Variants in CLMN observed in about 807,000 individuals in gnomAD.
The protein encoded by CLMN is calmin.
A neutral mutation model predicts 92.7 loss-of-function variants in CLMN; 57 were observed. The ratio of observed to expected loss-of-function variants is 0.61; its 90% CI spans 0.50 to 0.77. The LOEUF (loss-of-function observed/expected upper bound fraction) is 0.77, where lower values mean the gene tolerates loss of function less well. CLMN is among the 30% of genes least tolerant of loss of function. The pLI is 0.00. For missense variants in CLMN, 1,158 were observed against 1,237.5 expected, an observed-to-expected ratio of 0.94 and a Z score of 0.96; for synonymous variants, 466 against 470.6, an observed-to-expected ratio of 0.99 and a Z score of 0.13.
intron 1 of CLMN, among the ~76,000 whole-genome samples, chr14:95,240,769 A>G (rs747853544): frequency 6.6e-6 from 1 of 152,146 alleles, no homozygotes; most frequent in Non-Finnish European, 1.5e-5. Context: ...GTGAGTGGCC[A>G]TGTTTCCTAT....
intron 1 of CLMN, among the ~76,000 whole-genome samples, chr14:95,242,244 C>CTTTTTTTTTT (rs1595614526): frequency 1.0e-5 from 1 of 98,880 alleles, no homozygotes; most frequent in African/African-American, 4.0e-5. Flanking sequence ...TTTCTTTTTT[C>CTTTTTTTTTT]TTTTTCTTTT....
intron 1 of CLMN, among the ~76,000 whole-genome samples, chr14:95,297,259 G>A (rs1025408535): frequency 6.6e-6 from 1 of 152,130 alleles, no homozygotes; most frequent in South Asian, 2.1e-4. Flanking sequence ...AACCAAAATG[G>A]CCACTTTTGT....
At chr14:95,279,682 A>G (rs1262355136) in intron 1 of CLMN, among the ~76,000 whole-genome samples, 1 of 152,164 alleles carries the variant, frequency 6.6e-6, no homozygotes, top group Non-Finnish European at 1.5e-5. Context: ...CCTCGGGAGG[A>G]TGAGGCAGGA....
At chr14:95,198,514 G>C (rs531641149) in intron 9 of CLMN, among the ~76,000 whole-genome samples, 1 of 152,068 alleles carries the variant, frequency 6.6e-6, no homozygotes, top group East Asian at 1.9e-4. Context: ...GGCTGCACTT[G>C]GGAGCAAATT....
At chr14:95,305,570 C>A (rs1450243510) in intron 1 of CLMN, among the ~76,000 whole-genome samples, 1 of 152,064 alleles carries the variant, frequency 6.6e-6, no homozygotes, top group Non-Finnish European at 1.5e-5. Flanking sequence ...GAGGATCAGC[C>A]CATGAGGAAT....
intron 1 of CLMN, among the ~76,000 whole-genome samples, chr14:95,243,361 A>G (rs1898331943): frequency 6.6e-6 from 1 of 152,210 alleles, no homozygotes; most frequent in African/African-American, 2.4e-5. Context: ...TGTGGGAACT[A>G]GAAAAGGCAG....
At chr14:95,208,327 T>G (rs1008760220) in intron 8 of CLMN, among the ~76,000 whole-genome samples, 3 of 152,192 alleles carry the variant, frequency 2.0e-5, no homozygotes, top group African/African-American at 4.8e-5. Flanking sequence ...CTGTCATTGC[T>G]GTCATTATTA....
At chr14:95,249,758 A>T (rs535968003) in intron 1 of CLMN, among the ~76,000 whole-genome samples, 2 of 151,872 alleles carry the variant, frequency 1.3e-5, no homozygotes, top group South Asian at 4.2e-4. Context: ...CACCCAGCTA[A>T]TTTTTTTTGT....
intron 3 of CLMN, 64 bp downstream of exon 3, chr14:95,223,696 G>C: frequency 7.6e-7 from 1 of 1,314,116 alleles, no homozygotes; most frequent in Non-Finnish European, 1.1e-6. Flanking sequence ...GTGTTGAAAA[G>C]AAAACCTCAG....
At chr14:95,245,209 T>C (rs55634993) in intron 1 of CLMN, among the ~76,000 whole-genome samples, 830 of 19,616 alleles carry the variant, frequency 0.042, 89 homozygotes, top group Non-Finnish European at 0.047. Context: ...ATATATATAT[T>C]ATATATATAT....
intron 1 of CLMN, among the ~76,000 whole-genome samples, chr14:95,295,539 T>C (rs1157443743): frequency 1.3e-5 from 2 of 151,724 alleles, no homozygotes; most frequent in Non-Finnish European, 2.9e-5. Flanking sequence ...TGCCCGGGGG[T>C]GGTGTCAGGA....
rs2140549747 is a variant in CLMN at position 95,187,324 on chromosome 14, G to A, written c.*4240C>T. On this transcript the variant is annotated 3_prime_UTR_variant, in exon 13 of 13. Coordinates refer to ENST00000298912, the MANE Select transcript of CLMN (RefSeq NM_024734.4). ...TTATATTAATACAACCATGAACACA[G>A]AATACAGAAGAGAACAGTAAGCAAG... 1 of 152,358 alleles carries A rather than the reference G, an allele frequency of 6.6e-6. No homozygotes were observed. Among genetic ancestry groups the A allele is most frequent in the South Asian group, 2.1e-4 (1 of 4,828 alleles). 9.4% of individuals were successfully genotyped at this position (152,358 alleles called of 1,614,324 possible).
In CLMN at chr14:95,246,756, G is replaced by A. The variant is rs979785958; in HGVS notation, c.83-16623C>T. ...TGCAGGAACTACAGGCGTGAGCCAC[G>A]GCACCTGGCCACAAACTGTTTTTTA... On this transcript the variant is annotated intron_variant, in intron 1 of 12. Coordinates refer to ENST00000298912, the MANE Select transcript of CLMN (RefSeq NM_024734.4). Among the ~76,000 whole-genome samples the A allele has an allele frequency of 9.2e-5, 14 of 152,154 alleles. No individual in the cohort carries two copies. The South Asian group carries it at 1.7e-3, about 18-fold the overall frequency.
intron 1 of CLMN, among the ~76,000 whole-genome samples, chr14:95,272,434 C>A (rs954509140): frequency 6.6e-5 from 10 of 152,172 alleles, no homozygotes; most frequent in African/African-American, 2.4e-4. Flanking sequence ...ATGAAGTCAG[C>A]CATTCATCCA....
intron 4 of CLMN, among the ~76,000 whole-genome samples, chr14:95,220,272 G>C (rs1453286425): frequency 6.9e-6 from 1 of 145,536 alleles, no homozygotes; most frequent in East Asian, 2.0e-4. Context: ...CGCCTCCAGG[G>C]CTCAAGCAAT....
In CLMN at chr14:95,191,849, TC is replaced by T; in HGVS notation, c.2841-118del. On this transcript the variant is annotated intron_variant, in intron 12 of 12. Coordinates refer to ENST00000298912, the MANE Select transcript of CLMN (RefSeq NM_024734.4). The surrounding 1 kb of genome is among the most constrained non-coding windows in gnomAD (Gnocchi z 5.3). The stretch of plus-strand genomic sequence containing the variant: ...ACTCCCCGCCTGAAGACCCGAAGGC[TC>T]CCCAGCACCATGTCCAGGTAGGCCC... 1.1e-6 allele frequency: 1 copy of T among 941,940 alleles called. No individual in the cohort carries two copies. Among genetic ancestry groups the T allele is most frequent in the Non-Finnish European group, 1.6e-6 (1 of 641,042 alleles). 58.3% of individuals were successfully genotyped at this position (941,940 alleles called of 1,614,324 possible).
intron 1 of CLMN, among the ~76,000 whole-genome samples, chr14:95,235,870 C>T (rs1056329452): frequency 6.6e-6 from 1 of 152,158 alleles, no homozygotes; most frequent in Admixed American, 6.5e-5. Flanking sequence ...CTCGCCCAGA[C>T]GTTCGGGCAT....
chr14:95,194,138 C>T lies in CLMN; in HGVS notation c.2770-219G>A, dbSNP rs1896633647. ...CTTGTGAGTGCGAGAGACCCCACCA[C>T]CCGGAACCCGGATTGGGGTGTGCTG... On this transcript the variant is annotated intron_variant, in intron 11 of 12. Transcript: ENST00000298912. This position sits in a 1 kb window ranked among gnomAD's most constrained non-coding sequence, Gnocchi z 4.0. 7.1e-7 allele frequency: 1 copy of T among 1,414,180 alleles called. No homozygotes were observed. Among genetic ancestry groups the T allele is most frequent in the Non-Finnish European group, 9.2e-7 (1 of 1,090,544 alleles). 87.6% of individuals were successfully genotyped at this position (1,414,180 alleles called of 1,614,324 possible). A position where few individuals can be genotyped will look rare whatever the true frequency, so the allele number is the denominator to read the frequency against.
intron 2 of CLMN, among the ~76,000 whole-genome samples, chr14:95,227,454 G>C (rs527517761): frequency 2.0e-5 from 3 of 152,292 alleles, no homozygotes; most frequent in African/African-American, 7.2e-5. Flanking sequence ...TTACGGAAAT[G>C]TTATTCCTGT....
Sources: allele counts gnomAD v4.1 joint callset (sites outside exome capture counted in the v4.1 genomes callset), GRCh38; gene constraint gnomAD v4.1.1; non-coding constraint Gnocchi (gnomAD v3.1); transcripts MANE v1.5; gene names NCBI Gene and HGNC (gene_info 2026-07-23, HGNC 2026-07-21).